Variants in DNAJC1 observed in about 807,000 individuals in gnomAD.
DNAJC1 encodes DnaJ heat shock protein family (Hsp40) member C1, also known as dnaJ homolog subfamily C member 1.
A neutral mutation model predicts 76.6 loss-of-function variants in DNAJC1; 58 were observed. That is an observed-to-expected ratio of 0.76 (90% CI 0.61 to 0.94). DNAJC1 has a LOEUF of 0.94. Ranked by LOEUF, DNAJC1 falls within the 40% of genes least tolerant of loss-of-function variation. The pLI is 0.00. For synonymous variants in DNAJC1, 258 were observed against 267.9 expected, an observed-to-expected ratio of 0.96 and a Z score of 0.36; for missense variants, 689 against 677.3, an observed-to-expected ratio of 1.02 and a Z score of -0.19.
At chr10:21,863,097 A>C (rs137909279) in intron 8 of DNAJC1, among the ~76,000 whole-genome samples, 262 of 152,182 alleles carry the variant, frequency 1.7e-3, no homozygotes, top group Non-Finnish European at 3.2e-3. Context: ...GCGCCATTGC[A>C]CTCCAGCCTG....
intron 7 of DNAJC1, 51 bp downstream of exon 7, chr10:21,904,471 A>C: frequency 8.4e-7 from 1 of 1,189,950 alleles, no homozygotes; most frequent in African/African-American, 1.6e-5. Flanking sequence ...ATTCACATTT[A>C]AATAATTAAT....
At chr10:21,904,806 A>T (rs949645418) in intron 6 of DNAJC1, among the ~76,000 whole-genome samples, 194 bp from the exon 7 acceptor site, 3 of 152,122 alleles carry the variant, frequency 2.0e-5, no homozygotes, top group Non-Finnish European at 4.4e-5. Flanking sequence ...TACAATGAGA[A>T]ATTTTATGAG....
chr10:21,950,861 G>A (rs1837582677), intron 1 of DNAJC1, among the ~76,000 whole-genome samples: 1 of 152,126 alleles, frequency 6.6e-6, no homozygotes, highest in African/African-American at 2.4e-5. Flanking sequence ...TTTCTGAGAA[G>A]GACAAGAGGG....
In DNAJC1 at chr10:21,864,400, T is replaced by A. The variant is rs1035562753; in HGVS notation, c.978+17882A>T. 1.1e-4 allele frequency among the ~76,000 whole-genome samples: 17 copies of A among 152,176 alleles called. No individual in the cohort carries two copies. The South Asian group carries it at 2.5e-3, about 22-fold the overall frequency. On this transcript the variant is annotated intron_variant, in intron 8 of 11. Transcript: ENST00000376980. The stretch of plus-strand genomic sequence containing the variant: ...ACCCTGGGAGGCCAAGGCAGGTGGA[T>A]CACGAGGTCAGGAGATTGAGACCAT...
At chr10:21,958,456 T>C (rs1354224793) in intron 1 of DNAJC1, among the ~76,000 whole-genome samples, 1 of 149,150 alleles carries the variant, frequency 6.7e-6, no homozygotes, top group Admixed American at 6.8e-5. Context: ...TGAGACGGAG[T>C]CTCGTTCTGT....
chr10:21,790,010 T>TAAAAAAAAAAAAAAAAAAAAAAAAAAAAA (rs35639440), intron 9 of DNAJC1, among the ~76,000 whole-genome samples: 2 of 41,092 alleles, frequency 4.9e-5, no homozygotes, highest in African/African-American at 1.2e-4. Context: ...GCTCTGTCTT[T>TAAAAAAAAAAAAAAAAAAAAAAAAAAAAA]AAAAAAAAAA....
chr10:21,881,747 C>A (rs1357943931), intron 8 of DNAJC1, among the ~76,000 whole-genome samples: 1 of 145,090 alleles, frequency 6.9e-6, no homozygotes, highest in African/African-American at 2.6e-5. Context: ...CAAGAATTAC[C>A]AAAATGTTAT....
chr10:21,952,177 A>G (rs935432443), intron 1 of DNAJC1, among the ~76,000 whole-genome samples: 1 of 152,218 alleles, frequency 6.6e-6, no homozygotes, highest in Non-Finnish European at 1.5e-5. Context: ...AATAAATAAA[A>G]CATTCATTCA....
intron 6 of DNAJC1, 88 bp downstream of exon 6, chr10:21,918,691 G>A: frequency 1.1e-6 from 1 of 916,916 alleles, no homozygotes; most frequent in South Asian, 1.5e-5. Flanking sequence ...CTGCATATCA[G>A]CATTCAGAGA....
At position 21,763,564 on chromosome 10, in the gene DNAJC1, TG is replaced by T. The variant is rs1432039241; in HGVS notation, c.1147+2696del. Among the ~76,000 whole-genome samples, 4 of 115,350 alleles carry T rather than the reference TG, an allele frequency of 3.5e-5. No individual in the cohort carries two copies. In the East Asian group the frequency reaches 1.3e-3, roughly 37 times the overall value. The allele number at this position is 115,350 out of a possible 152,430, so 75.7% of individuals were successfully genotyped here. On this transcript the variant is annotated intron_variant, in intron 10 of 11. Transcript: ENST00000376980. Reference sequence around the variant, plus strand: ...TTTAATTTTTTAAGTGTGTGCAGGTTGTTTTTTTTTTTTTTTTTTAGACCCT... The same window carrying T: ...TTTAATTTTTTAAGTGTGTGCAGGTTTTTTTTTTTTTTTTTTTTAGACCCT...
chr10:21,801,475 A>G (rs1460196613), intron 9 of DNAJC1, among the ~76,000 whole-genome samples: 1 of 152,216 alleles, frequency 6.6e-6, no homozygotes, highest in Non-Finnish European at 1.5e-5. Context: ...CCAAAAAGTC[A>G]AAAAATAACA....
intron 8 of DNAJC1, among the ~76,000 whole-genome samples, chr10:21,808,836 T>C (rs1834922120): frequency 6.6e-6 from 1 of 152,170 alleles, no homozygotes; most frequent in African/African-American, 2.4e-5. Context: ...ATCTCTACAG[T>C]AAAGTAATGG....
chr10:21,939,943 CAAAAAAAAAA>C (rs374955734), intron 1 of DNAJC1, among the ~76,000 whole-genome samples: 1 of 70,368 alleles, frequency 1.4e-5, no homozygotes. Context: ...AAACCTCTCT[CAAAAAAAAAA>C]AAAAAAAAAA....
At chr10:21,796,400 C>T (rs187140038) in intron 9 of DNAJC1, among the ~76,000 whole-genome samples, 2 of 152,078 alleles carry the variant, frequency 1.3e-5, no homozygotes, top group Non-Finnish European at 2.9e-5. Context: ...GTGCAATGAA[C>T]GGGGAAGTGC....
At chr10:21,913,588 T>C (rs1836903016) in intron 6 of DNAJC1, among the ~76,000 whole-genome samples, 1 of 152,200 alleles carries the variant, frequency 6.6e-6, no homozygotes, top group Non-Finnish European at 1.5e-5. Flanking sequence ...TACTTGCTAT[T>C]TTCCAGGTTA....
chr10:21,984,992 A>C (rs546498031), intron 1 of DNAJC1, among the ~76,000 whole-genome samples: 3 of 152,234 alleles, frequency 2.0e-5, no homozygotes, highest in African/African-American at 7.2e-5. Context: ...TTACAGACTA[A>C]TCTATCAAAT....
intron 1 of DNAJC1, among the ~76,000 whole-genome samples, chr10:21,989,510 G>A (rs1327617979): frequency 6.6e-6 from 1 of 152,136 alleles, no homozygotes; most frequent in Admixed American, 6.5e-5. Flanking sequence ...GACTCCCATA[G>A]AGTGATGAGG....
At chr10:21,931,917 C>T (rs1837231430) in intron 1 of DNAJC1, among the ~76,000 whole-genome samples, 1 of 152,098 alleles carries the variant, frequency 6.6e-6, no homozygotes, top group Non-Finnish European at 1.5e-5. Flanking sequence ...AGAATTCTTT[C>T]CCTTCTAAAT....
chr10:21,824,283 GCTAGGCAAGAAGAGTATAT>G (rs1835208542), intron 8 of DNAJC1, among the ~76,000 whole-genome samples: 1 of 152,118 alleles, frequency 6.6e-6, no homozygotes, highest in African/African-American at 2.4e-5. Flanking sequence ...CAAAAACTAG[GCTAGGCAAGAAGAGTATAT>G]TATCTGAGAG....
Sources: allele counts gnomAD v4.1 joint callset (sites outside exome capture counted in the v4.1 genomes callset), GRCh38; gene constraint gnomAD v4.1.1; transcripts MANE v1.5; gene names NCBI Gene and HGNC (gene_info 2026-07-23, HGNC 2026-07-21).